Variants in ZNF385C observed in about 807,000 individuals in gnomAD.
The protein encoded by ZNF385C is CTD-2132N18.2.
Under a neutral mutation model 35.4 loss-of-function variants are expected in ZNF385C, and 28 were observed. That is an observed-to-expected ratio of 0.79 (90% CI 0.59 to 1.08). ZNF385C has a LOEUF of 1.08. Ranked by LOEUF, ZNF385C falls within the 50% of genes least tolerant of loss-of-function variation. ZNF385C has a pLI of 0.00. For synonymous variants in ZNF385C, 248 were observed against 248.2 expected, an observed-to-expected ratio of 1.00 and a Z score of 0.01; for missense variants, 605 against 595.6, an observed-to-expected ratio of 1.02 and a Z score of -0.16.
In ZNF385C at chr17:42,026,267, A is replaced by G. The variant is rs2052576810; in HGVS notation, c.*630T>C. On this transcript the variant is annotated 3_prime_UTR_variant, in exon 9 of 9. Transcript: ENST00000692273. ...TTAAAACAAAACCCTGGGCCCAACC[A>G]GAACATCACCTCCTCTCTTAGTCCC... is the stretch of plus-strand genomic sequence containing the variant. 6.5e-6 allele frequency: 1 copy of G among 153,472 alleles called. No individual in the cohort carries two copies. The highest frequency in any genetic ancestry group is 1.5e-5 in the Non-Finnish European group (1 of 68,940). The allele number at this position is 153,472 out of a possible 1,614,324, so 9.5% of individuals were successfully genotyped here.
chr17:42,040,819 T>G (rs1205304196), intron 2 of ZNF385C: 9 of 1,232,120 alleles, frequency 7.3e-6, no homozygotes, highest in Non-Finnish European at 9.1e-6. Context: ...GGCCGGGGGC[T>G]CAGGATCTGT....
At chr17:42,052,444 C>G (rs1221162605) in intron 2 of ZNF385C, among the ~76,000 whole-genome samples, 1 of 151,968 alleles carries the variant, frequency 6.6e-6, no homozygotes, top group East Asian at 1.9e-4. Context: ...CCTCCCCCCA[C>G]ACTTAGACCA....
chr17:42,068,186 C>A (rs782166440), intron 1 of ZNF385C, among the ~76,000 whole-genome samples: 1 of 152,156 alleles, frequency 6.6e-6, no homozygotes, highest in Non-Finnish European at 1.5e-5. Context: ...CGGGGGCACA[C>A]AGGTCTGTCT....
rs544743316 is a variant in ZNF385C at position 42,076,012 on chromosome 17, C to T, written c.-2-12954G>A. On this transcript the variant is annotated intron_variant, in intron 1 of 8. Transcript: ENST00000692273. ...AGTTCAGCCTCCCTATCCCAGCCCC[C>T]GAGTGAATGGTAGTTTCCTGCGCTG... is the stretch of plus-strand genomic sequence containing the variant. Among the ~76,000 whole-genome samples the T allele has an allele frequency of 5.3e-5, 8 of 152,278 alleles. No individual in the cohort carries two copies. In the East Asian group the frequency reaches 9.7e-4, roughly 18 times the overall value.
intron 1 of ZNF385C, among the ~76,000 whole-genome samples, chr17:42,081,248 C>A (rs1555659692): frequency 1.3e-5 from 2 of 152,136 alleles, no homozygotes; most frequent in African/African-American, 4.8e-5. Flanking sequence ...AAGACCAGCA[C>A]TCAGGAGGGG....
At chr17:42,059,852 C>T (rs2053435654) in intron 2 of ZNF385C, among the ~76,000 whole-genome samples, 1 of 152,110 alleles carries the variant, frequency 6.6e-6, no homozygotes, top group South Asian at 2.1e-4. Flanking sequence ...AAACTCCTGA[C>T]CTCAAGTTAT....
intron 1 of ZNF385C, among the ~76,000 whole-genome samples, chr17:42,096,694 G>C (rs2053920994): frequency 6.6e-6 from 1 of 152,174 alleles, no homozygotes; most frequent in Non-Finnish European, 1.5e-5. Flanking sequence ...GATGACAAGA[G>C]GGCATTTTTT....
chr17:42,085,210 T>A (rs2053793948), intron 1 of ZNF385C, among the ~76,000 whole-genome samples: 1 of 152,080 alleles, frequency 6.6e-6, no homozygotes, highest in South Asian at 2.1e-4. Flanking sequence ...GGCAGAAGGA[T>A]TGCTTGAGTC....
intron 1 of ZNF385C, among the ~76,000 whole-genome samples, chr17:42,080,900 G>A (rs1442649003): frequency 6.6e-6 from 1 of 152,194 alleles, no homozygotes; most frequent in Non-Finnish European, 1.5e-5. Flanking sequence ...ATGAGCTCCA[G>A]GAGCCATCAG....
chr17:42,087,049 C>T (rs981311595), intron 1 of ZNF385C, among the ~76,000 whole-genome samples: 1 of 151,914 alleles, frequency 6.6e-6, no homozygotes, highest in Non-Finnish European at 1.5e-5. Context: ...TCTTGAACTC[C>T]CGACCTCAGG....
intron 5 of ZNF385C, among the ~76,000 whole-genome samples, chr17:42,031,283 C>T (rs897489825): frequency 6.6e-6 from 1 of 152,190 alleles, no homozygotes; most frequent in South Asian, 2.1e-4. Flanking sequence ...AATCCTCCCG[C>T]CTCAGCCTCC....
chr17:42,071,557 C>G (rs1486204611), intron 1 of ZNF385C, among the ~76,000 whole-genome samples: 1 of 152,190 alleles, frequency 6.6e-6, no homozygotes, highest in African/African-American at 2.4e-5. Context: ...ACCTGCATCT[C>G]TCCTTGCAGG....
chr17:42,093,001 A>C (rs2053878431), intron 1 of ZNF385C, among the ~76,000 whole-genome samples: 1 of 152,208 alleles, frequency 6.6e-6, no homozygotes, highest in African/African-American at 2.4e-5. Flanking sequence ...ATCTAAAGTG[A>C]GAAGAAGGAC....
chr17:42,040,799 G>T, intron 2 of ZNF385C: 2 of 1,232,304 alleles, frequency 1.6e-6, no homozygotes, highest in South Asian at 8.2e-5. Context: ...CTCTCATATT[G>T]ACCCAAGTAG....
chr17:42,041,080 AG>A, intron 2 of ZNF385C: 1 of 1,232,402 alleles, frequency 8.1e-7, no homozygotes, highest in Non-Finnish European at 1.0e-6. Flanking sequence ...AAACAGGGCC[AG>A]GCTGTGTGAC....
intron 6 of ZNF385C, 190 bp from the exon 7 acceptor site, chr17:42,028,436 G>C: frequency 1.6e-6 from 1 of 616,660 alleles, no homozygotes; most frequent in Non-Finnish European, 2.7e-6. Context: ...TCCTATGAAA[G>C]GCCTTTCTGC....
chr17:42,062,981 G>T lies in ZNF385C; in HGVS notation c.76C>A (p.Arg26=). 5 of 694,116 alleles carry T rather than the reference G, an allele frequency of 7.2e-6. No homozygotes were observed. The highest frequency in any genetic ancestry group is 1.3e-5 in the Non-Finnish European group (5 of 380,880). The allele number at this position is 694,116 out of a possible 1,614,324, so 43.0% of individuals were successfully genotyped here. The change falls in exon 2 of 9, where the codon CGG becomes AGG. Residue 26 remains arginine (R), a synonymous_variant. Transcript: ENST00000692273. ...TTGGGCTTAGGTGGTTCTGGGGGCCGAGGGAGGCACTCAGCAGCTCCAGAT... is the reference window on the plus strand; with the variant it reads ...TTGGGCTTAGGTGGTTCTGGGGGCCTAGGGAGGCACTCAGCAGCTCCAGAT... ...PISGAAECLP[R]PPEPPKPKRE... is the part of the protein sequence containing the mutation.
chr17:42,074,964 G>C (rs1361737370), intron 1 of ZNF385C, among the ~76,000 whole-genome samples: 22 of 152,188 alleles, frequency 1.4e-4, no homozygotes, highest in Admixed American at 1.4e-3. Flanking sequence ...TACCTAACAA[G>C]ATGGCCCATT....
chr17:42,082,665 G>A (rs189313960), intron 1 of ZNF385C, among the ~76,000 whole-genome samples: 3 of 152,376 alleles, frequency 2.0e-5, no homozygotes, highest in East Asian at 1.9e-4. Flanking sequence ...CAGTGTGGCT[G>A]TTCATGCCTG....
Sources: gnomAD v4.1 joint callset for allele counts (sites outside exome capture counted in the v4.1 genomes callset) on GRCh38, gnomAD v4.1.1 for gene constraint, MANE v1.5 for transcripts, NCBI Gene and HGNC (gene_info 2026-07-23, HGNC 2026-07-21) for gene names.